UNC79: variants seen among roughly 807,000 people sequenced by gnomAD.
UNC79 encodes the protein protein unc-79 homolog.
UNC79 carries 37 observed loss-of-function variants against 283.1 expected under a neutral mutation model. The observed-to-expected ratio is 0.13, with a 90% CI of 0.10 to 0.17. The LOEUF (loss-of-function observed/expected upper bound fraction) is 0.17. Among genes scored for constraint, UNC79 ranks in the 10% least tolerant of loss-of-function variants. The probability of loss-of-function intolerance (pLI) is 1.00; values close to 1 mark genes in which losing one functional copy is unlikely to be tolerated. For missense variants in UNC79, 2,272 were observed against 3,211.1 expected, an observed-to-expected ratio of 0.71 and a Z score of 7.07; for synonymous variants, 1,107 against 1,200.2, an observed-to-expected ratio of 0.92 and a Z score of 1.61.
chr14:93,389,361 A>G (rs373360185), intron 1 of UNC79, among the ~76,000 whole-genome samples: 2 of 152,332 alleles, frequency 1.3e-5, no homozygotes, highest in South Asian at 2.1e-4. Flanking sequence ...AGAAAAAACA[A>G]TGAAAACCCT....
chr14:93,587,090 G>A (rs1448022439), intron 22 of UNC79, among the ~76,000 whole-genome samples, 182 bp downstream of exon 22: 5 of 151,946 alleles, frequency 3.3e-5, no homozygotes, highest in Non-Finnish European at 7.4e-5. Flanking sequence ...GTTAATACAA[G>A]GAATGGTAAT....
chr14:93,668,799 G>A (rs889440978), intron 40 of UNC79, among the ~76,000 whole-genome samples: 1 of 149,450 alleles, frequency 6.7e-6, no homozygotes, highest in South Asian at 2.1e-4. Context: ...AACCGTGACT[G>A]TACCACTGCA....
chr14:93,446,719 A>G (rs1247604849), intron 1 of UNC79, among the ~76,000 whole-genome samples: 1 of 151,956 alleles, frequency 6.6e-6, no homozygotes, highest in East Asian at 1.9e-4. Flanking sequence ...TAATTTCCAA[A>G]TATTTGGGAT....
intron 33 of UNC79, among the ~76,000 whole-genome samples, chr14:93,641,519 G>T (rs2140205729): frequency 6.6e-6 from 1 of 152,216 alleles, no homozygotes; most frequent in African/African-American, 2.4e-5. Flanking sequence ...CAGGTATGAT[G>T]GTGTGTGCCT....
rs531203000 is a variant in UNC79, at chr14:93,423,884, G to T, written c.-350-43787G>T. 1.2e-4 allele frequency among the ~76,000 whole-genome samples: 18 copies of T among 152,254 alleles called. No homozygotes were observed. In the South Asian group the frequency reaches 3.7e-3, roughly 32 times the overall value. ...AAATGGGATCACATCAAGTTAAAAG[G>T]CTTCTGCACAGCAAAAGAAACAATC... On this transcript the variant is annotated intron_variant, in intron 1 of 49. Coordinates refer to the UNC79 transcript ENST00000256339.
intron 1 of UNC79, among the ~76,000 whole-genome samples, chr14:93,421,755 T>C (rs1247197262): frequency 6.8e-6 from 1 of 147,518 alleles, no homozygotes; most frequent in Admixed American, 6.9e-5. Context: ...ACAAAGATTA[T>C]CCTTCATGTA....
chr14:93,579,660 A>T (rs1367676845), intron 18 of UNC79, among the ~76,000 whole-genome samples: 1 of 152,136 alleles, frequency 6.6e-6, no homozygotes, highest in African/African-American at 2.4e-5. Flanking sequence ...GCACATCCAC[A>T]TCATTCTATG....
intron 35 of UNC79, among the ~76,000 whole-genome samples, chr14:93,651,159 C>G (rs1398655178): frequency 6.6e-6 from 1 of 152,160 alleles, no homozygotes; most frequent in Admixed American, 6.5e-5. Flanking sequence ...TAAGTTTGCA[C>G]CACACTGTCT....
chr14:93,653,318 A>C (rs574874782), intron 35 of UNC79, among the ~76,000 whole-genome samples: 1 of 96,698 alleles, frequency 1.0e-5, no homozygotes, highest in East Asian at 2.2e-4. Context: ...CATCTCTCTC[A>C]CTGCATATAT....
chr14:93,630,959 T>G (rs1311826834), intron 31 of UNC79, 51 bp downstream of exon 33: 1 of 1,499,302 alleles, frequency 6.7e-7, no homozygotes, highest in Admixed American at 1.7e-5. Context: ...TTTGGAACAC[T>G]GTCTGCTGCC....
chr14:93,602,050 G>A (rs2065546306), intron 25 of UNC79, among the ~76,000 whole-genome samples: 1 of 152,114 alleles, frequency 6.6e-6, no homozygotes, highest in African/African-American at 2.4e-5. Context: ...CATTCAGTGG[G>A]TTGTCTGTTT....
chr14:93,662,542 A>C, intron 39 of UNC79, 62 bp from the exon 43 acceptor site: 2 of 1,150,744 alleles, frequency 1.7e-6, no homozygotes, highest in East Asian at 4.9e-5. Flanking sequence ...ATAAGATTTT[A>C]ATACTTTTTT....
chr14:93,608,148 C>A (rs1052786547), intron 26 of UNC79, among the ~76,000 whole-genome samples: 1 of 152,162 alleles, frequency 6.6e-6, no homozygotes, highest in Admixed American at 6.5e-5. Flanking sequence ...GTGTGTGCCA[C>A]AAATGCTTGT....
intron 5 of UNC79, among the ~76,000 whole-genome samples, chr14:93,489,114 A>C (rs2058600512): frequency 6.6e-6 from 1 of 152,104 alleles, no homozygotes; most frequent in African/African-American, 2.4e-5. Flanking sequence ...GCTAATTTTT[A>C]AATTTTTTTA....
At chr14:93,705,815 T>G (rs1231318063) in intron 48 of UNC79, among the ~76,000 whole-genome samples, 1 of 152,194 alleles carries the variant, frequency 6.6e-6, no homozygotes, top group Admixed American at 6.5e-5. Context: ...TTTGCTGGGT[T>G]TCTTCTCCGA....
At chr14:93,560,887 A>C (rs564931659) in intron 14 of UNC79, among the ~76,000 whole-genome samples, 1 of 152,278 alleles carries the variant, frequency 6.6e-6, no homozygotes, top group Non-Finnish European at 1.5e-5. Context: ...CTGATGGGGT[A>C]ACTGCATAGA....
intron 40 of UNC79, among the ~76,000 whole-genome samples, chr14:93,664,072 C>G (rs971165378): frequency 6.6e-6 from 1 of 152,168 alleles, no homozygotes; most frequent in Non-Finnish European, 1.5e-5. Flanking sequence ...TCTACCCTTT[C>G]TCATTCTAAT....
intron 38 of UNC79, among the ~76,000 whole-genome samples, 158 bp from the exon 42 acceptor site, chr14:93,659,035 C>CT (rs2071256233): frequency 6.6e-6 from 1 of 152,080 alleles, no homozygotes; most frequent in Non-Finnish European, 1.5e-5. Context: ...CTGAGAATGA[C>CT]TTTTTTCAAC....
At chr14:93,423,934 G>C (rs2055665879) in intron 1 of UNC79, among the ~76,000 whole-genome samples, 1 of 152,146 alleles carries the variant, frequency 6.6e-6, no homozygotes, top group African/African-American at 2.4e-5. Flanking sequence ...CTAACCCACA[G>C]AATGGGAGAA....
Sources: allele counts gnomAD v4.1 joint callset (sites outside exome capture counted in the v4.1 genomes callset), GRCh38; gene constraint gnomAD v4.1.1; transcripts MANE v1.5; gene names NCBI Gene and HGNC (gene_info 2026-07-23, HGNC 2026-07-21).